Variants in RAB3GAP1 observed in about 807,000 individuals in gnomAD.
The protein encoded by RAB3GAP1 is rab3 GTPase-activating protein catalytic subunit.
In RAB3GAP1, 86 loss-of-function variants were observed where a neutral mutation model predicts 130.7. The observed-to-expected ratio is 0.66, with a 90% CI of 0.55 to 0.79. The LOEUF is 0.79. Ranked by LOEUF, RAB3GAP1 falls within the 30% of genes least tolerant of loss-of-function variation. The pLI is 0.00. For missense variants in RAB3GAP1, 1,029 were observed against 1,169.4 expected (o/e 0.88, Z 1.75); for synonymous variants, 367 against 401.7 (o/e 0.91, Z 1.03).
chr2:135,095,980 G>C (rs1191407145), intron 5 of RAB3GAP1, among the ~76,000 whole-genome samples: 1 of 152,060 alleles, frequency 6.6e-6, no homozygotes, highest in Non-Finnish European at 1.5e-5. Flanking sequence ...ACTATATATA[G>C]GAAAAAACAG....
At chr2:135,087,851 A>T (rs1468650734) in intron 3 of RAB3GAP1, among the ~76,000 whole-genome samples, 2 of 151,996 alleles carry the variant, frequency 1.3e-5, no homozygotes, top group Non-Finnish European at 2.9e-5. Flanking sequence ...TTATCTCTTT[A>T]TTTTCTGGTT....
intron 5 of RAB3GAP1, among the ~76,000 whole-genome samples, chr2:135,105,648 C>T (rs1164205358): frequency 3.3e-5 from 5 of 152,050 alleles, no homozygotes; most frequent in South Asian, 2.1e-4. Flanking sequence ...TCTGCCCGGC[C>T]GCCACCCCAT....
chr2:135,157,831 CAA>C (rs58810979), intron 19 of RAB3GAP1, among the ~76,000 whole-genome samples: 3,156 of 87,166 alleles, frequency 0.036, 76 homozygotes, highest in African/African-American at 0.094. Context: ...GAATCCATCT[CAA>C]AAAAAAAAAA....
chr2:135,154,422 C>G (rs531024962), intron 19 of RAB3GAP1, among the ~76,000 whole-genome samples: 1 of 152,114 alleles, frequency 6.6e-6, no homozygotes, highest in East Asian at 1.9e-4. Context: ...CCTCCACCCC[C>G]CCAAGAAAAT....
chr2:135,130,757 A>G (rs1691513788), intron 13 of RAB3GAP1, 36 bp downstream of exon 13: 1 of 1,564,176 alleles, frequency 6.4e-7, no homozygotes, highest in Non-Finnish European at 8.8e-7. Flanking sequence ...GTCTATATGC[A>G]GAATCATTTA....
chr2:135,169,994 T>G lies in RAB3GAP1; in HGVS notation c.*1213T>G, dbSNP rs1692802459. ...TTTTGTAAAAAAAAAAAAAAATACATATCTATATATAATATGTGTGTGTGT... is the reference window on the plus strand; with the variant it reads ...TTTTGTAAAAAAAAAAAAAAATACAGATCTATATATAATATGTGTGTGTGT... On this transcript the variant is annotated 3_prime_UTR_variant, in exon 24 of 24. Transcript: ENST00000264158. The G allele has an allele frequency of 3.6e-6, 1 of 275,050 alleles. No homozygotes were observed. The highest frequency in any genetic ancestry group is 7.2e-6 in the Non-Finnish European group (1 of 138,992). The allele number at this position is 275,050 out of a possible 1,614,324, so 17.0% of individuals were successfully genotyped here.
intron 3 of RAB3GAP1, among the ~76,000 whole-genome samples, chr2:135,076,421 T>G (rs1574086875): frequency 6.8e-6 from 1 of 146,686 alleles, no homozygotes; most frequent in Non-Finnish European, 1.5e-5. Context: ...TATCTCATTT[T>G]TATTTATATT....
At chr2:135,166,639 T>G (rs1216627861) in intron 23 of RAB3GAP1, among the ~76,000 whole-genome samples, 1 of 152,136 alleles carries the variant, frequency 6.6e-6, no homozygotes, top group Non-Finnish European at 1.5e-5. Context: ...GTGTGTGAGC[T>G]ATCACACCTG....
chr2:135,067,124 T>C (rs1010975636), intron 3 of RAB3GAP1, among the ~76,000 whole-genome samples: 4 of 152,246 alleles, frequency 2.6e-5, no homozygotes, highest in African/African-American at 7.2e-5. Flanking sequence ...TTGGGACTTA[T>C]ATAAACTTTA....
chr2:135,054,314 A>G (rs993636868), intron 2 of RAB3GAP1, among the ~76,000 whole-genome samples: 3 of 152,216 alleles, frequency 2.0e-5, no homozygotes, highest in Admixed American at 6.5e-5. Flanking sequence ...TGCTTAAGAC[A>G]ATAGTGAGAG....
intron 3 of RAB3GAP1, among the ~76,000 whole-genome samples, chr2:135,068,230 T>C (rs1689375633): frequency 6.6e-6 from 1 of 152,196 alleles, no homozygotes. Flanking sequence ...AGCTCAAGTT[T>C]AATTCTGAGA....
At chr2:135,069,541 G>A (rs927081958) in intron 3 of RAB3GAP1, among the ~76,000 whole-genome samples, 1 of 151,902 alleles carries the variant, frequency 6.6e-6, no homozygotes, top group Non-Finnish European at 1.5e-5. Flanking sequence ...TGTAAAAATG[G>A]TTGTTGAGAA....
chr2:135,113,418 C>T lies in RAB3GAP1; in HGVS notation c.482+148C>T, dbSNP rs111698645. 1.7e-3 allele frequency: 1,723 copies of T among 1,009,548 alleles called. 7 individuals are homozygous for T. The highest frequency in any genetic ancestry group is 0.014 in the African/African-American group (879 of 62,198). The allele number at this position is 1,009,548 out of a possible 1,614,324, so 62.5% of individuals were successfully genotyped here. A position where few individuals can be genotyped will look rare whatever the true frequency, so the allele number is the denominator to read the frequency against. ...TAAACTAAATTTGACTTGAGGTTAC[C>T]TCTGTATCCGCTCCCTATTTAAAGA... On this transcript the variant is annotated intron_variant, in intron 6 of 23. Transcript: ENST00000264158.
Position 135,134,034 on chromosome 2 carries a change from G to T in RAB3GAP1, c.1499+1G>T. The T allele has an allele frequency of 6.2e-7, 1 of 1,613,582 alleles. No individual in the cohort carries two copies. The highest frequency in any genetic ancestry group is 8.5e-7 in the Non-Finnish European group (1 of 1,179,670). On this transcript the variant is annotated splice_donor_variant, in intron 15 of 23. Transcript: ENST00000264158. LOFTEE classifies it high-confidence loss of function. ...GGGAAAACAACTTTCTGATTCCAGGGTAATAATTTCAATTTTCAATTGTTT... is the reference window on the plus strand; with the variant it reads ...GGGAAAACAACTTTCTGATTCCAGGTTAATAATTTCAATTTTCAATTGTTT...
At chr2:135,077,572 A>G (rs944708085) in intron 3 of RAB3GAP1, among the ~76,000 whole-genome samples, 1 of 152,196 alleles carries the variant, frequency 6.6e-6, no homozygotes, top group African/African-American at 2.4e-5. Flanking sequence ...TCTTTTGGGT[A>G]TACAATCAGA....
At chr2:135,064,078 T>A (rs913878611) in intron 3 of RAB3GAP1, among the ~76,000 whole-genome samples, 1 of 152,176 alleles carries the variant, frequency 6.6e-6, no homozygotes, top group African/African-American at 2.4e-5. Flanking sequence ...TATTCATATT[T>A]TTGTTTGACT....
Position 135,150,405 on chromosome 2 carries a change from C to T in RAB3GAP1, c.1960C>T (p.Gln654Ter). 6.2e-7 allele frequency: 1 copy of T among 1,614,146 alleles called. No homozygotes were observed. The highest frequency in any genetic ancestry group is 8.5e-7 in the Non-Finnish European group (1 of 1,180,024). ...APMTEDLLEE[Q>*]SEVLAKLGTS... ...TATGACAGAAGATCTGCTAGAAGAG[C>T]AGTCTGAAGTTTTAGCTAAATTAGG... The change falls in exon 18 of 24, where the codon CAG (glutamine) becomes TAG (stop). Residue 654 changes from glutamine (Q) to a stop codon, truncating the protein, a stop_gained. Transcript: ENST00000264158. LOFTEE classifies it high-confidence loss of function.
At chr2:135,166,326 T>C (rs983947424) in intron 23 of RAB3GAP1, among the ~76,000 whole-genome samples, 1 of 152,118 alleles carries the variant, frequency 6.6e-6, no homozygotes, top group Non-Finnish European at 1.5e-5. Context: ...AGTAAAACTT[T>C]GACAATATAG....
chr2:135,108,061 T>C (rs1275356328), intron 5 of RAB3GAP1, among the ~76,000 whole-genome samples: 1 of 150,398 alleles, frequency 6.6e-6, no homozygotes, highest in Admixed American at 6.6e-5. Context: ...ACAACAAATA[T>C]ATCAAATATT....
Sources: allele counts gnomAD v4.1 joint callset (sites outside exome capture counted in the v4.1 genomes callset), GRCh38; gene constraint gnomAD v4.1.1; transcripts MANE v1.5; gene names NCBI Gene and HGNC (gene_info 2026-07-23, HGNC 2026-07-21).